Variants in ALMS1 observed in about 807,000 individuals in gnomAD.
ALMS1 encodes the protein ALMS1 centrosome and basal body associated protein, also known as centrosome-associated protein ALMS1.
Under a neutral mutation model 352.2 loss-of-function variants are expected in ALMS1, and 271 were observed. The observed-to-expected ratio is 0.77, with a 90% CI of 0.70 to 0.85. The LOEUF (loss-of-function observed/expected upper bound fraction) is 0.85. ALMS1 is among the 40% of genes least tolerant of loss of function. ALMS1 has a pLI of 0.00. For missense variants in ALMS1, 5,445 were observed against 4,870.7 expected, an observed-to-expected ratio of 1.12 and a Z score of -3.51; for synonymous variants, 1,865 against 1,761.2, an observed-to-expected ratio of 1.06 and a Z score of -1.48.
intron 12 of ALMS1, among the ~76,000 whole-genome samples, chr2:73,547,794 G>A (rs530306153): frequency 6.2e-4 from 94 of 152,306 alleles, no homozygotes; most frequent in African/African-American, 2.0e-3. Flanking sequence ...ATGGCGGGGC[G>A]GGTTAGAGTG....
At chr2:73,467,155 A>T (rs1329451192) in intron 9 of ALMS1, among the ~76,000 whole-genome samples, 1 of 152,154 alleles carries the variant, frequency 6.6e-6, no homozygotes, top group African/African-American at 2.4e-5. Context: ...CTCTTCATGA[A>T]AGTTAAGAAT....
At chr2:73,426,389 T>C in intron 5 of ALMS1, 64 bp from the exon 6 acceptor site, 2 of 1,530,428 alleles carry the variant, frequency 1.3e-6, no homozygotes, top group Non-Finnish European at 9.1e-7. Context: ...AAGTCCTTCG[T>C]GTGTGGGAGC....
chr2:73,555,599 T>C (rs1674525192), intron 13 of ALMS1, among the ~76,000 whole-genome samples: 1 of 152,128 alleles, frequency 6.6e-6, no homozygotes, highest in Non-Finnish European at 1.5e-5. Flanking sequence ...GAAAATATAA[T>C]AAATATGCCA....
chr2:73,416,337 T>C (rs1223687606), intron 2 of ALMS1, among the ~76,000 whole-genome samples: 1 of 152,222 alleles, frequency 6.6e-6, no homozygotes, highest in African/African-American at 2.4e-5. Flanking sequence ...TTATTCAGTG[T>C]AGAAGGGATT....
At chr2:73,527,561 C>T (rs1205877288) in intron 11 of ALMS1, among the ~76,000 whole-genome samples, 2 of 151,900 alleles carry the variant, frequency 1.3e-5, no homozygotes, top group Non-Finnish European at 2.9e-5. Context: ...TAAAGTTGCT[C>T]ATAGTAGTGT....
intron 16 of ALMS1, among the ~76,000 whole-genome samples, chr2:73,596,664 G>C (rs1207870969): frequency 6.6e-6 from 1 of 151,610 alleles, no homozygotes; most frequent in African/African-American, 2.4e-5. Flanking sequence ...TAGAGACCGG[G>C]TTTCACCATA....
At position 73,448,992 on chromosome 2, in the gene ALMS1, A is replaced by C. The variant is rs749834647; in HGVS notation, c.2465A>C (p.Gln822Pro). ...SHREKLLVFY[Q>P]QALLDSHLPE... ...AGAGAGAAGCTCCTTGTTTTCTACCAACAGGCCTTGCTGGACAGCCATCTA... is the reference window on the plus strand; with the variant it reads ...AGAGAGAAGCTCCTTGTTTTCTACCCACAGGCCTTGCTGGACAGCCATCTA... The change falls in exon 8 of 23, where the codon CAA (glutamine) becomes CCA (proline). Residue 822 changes from glutamine to proline, a missense_variant. Physicochemically the swap from Gln to Pro is moderately conservative, Grantham distance 76. Coordinates refer to ENST00000613296, the MANE Select transcript of ALMS1 (RefSeq NM_001378454.1). The C allele has an allele frequency of 6.2e-7, 1 of 1,613,936 alleles. No homozygotes were observed. Among genetic ancestry groups the C allele is most frequent in the Non-Finnish European group, 8.5e-7 (1 of 1,179,916 alleles).
chr2:73,520,822 A>T (rs1220093236), intron 11 of ALMS1, among the ~76,000 whole-genome samples: 1 of 152,216 alleles, frequency 6.6e-6, no homozygotes, highest in East Asian at 1.9e-4. Context: ...TTAGAATTAG[A>T]CCAAATTGTA....
At chr2:73,390,489 T>TA (rs1170578965) in intron 1 of ALMS1, among the ~76,000 whole-genome samples, 5 of 152,232 alleles carry the variant, frequency 3.3e-5, no homozygotes, top group Admixed American at 6.5e-5. Flanking sequence ...ATTAAGTTTG[T>TA]AGTCCTGTTA....
At chr2:73,494,589 CT>C (rs1481670558) in intron 10 of ALMS1, among the ~76,000 whole-genome samples, 3 of 151,926 alleles carry the variant, frequency 2.0e-5, no homozygotes, top group Non-Finnish European at 2.9e-5. Flanking sequence ...CTTTTTTTGT[CT>C]TTCATGACCT....
rs144419297 is a variant in ALMS1, at chr2:73,596,597, G to A, written c.11548-2804G>A. ...AGCGATTCTTCTGCTTCAGCCTTCC[G>A]AGTAGCTGGAACTACAGGTGCGTGC... On this transcript the variant is annotated intron_variant, in intron 16 of 22. Coordinates refer to ENST00000613296, the MANE Select transcript of ALMS1 (RefSeq NM_001378454.1). 4.0e-5 allele frequency among the ~76,000 whole-genome samples: 6 copies of A among 151,770 alleles called. No individual in the cohort carries two copies. The East Asian group carries it at 1.2e-3, about 29-fold the overall frequency.
Position 73,573,727 on chromosome 2 carries a change from A to G in ALMS1, c.11547+303A>G, listed in dbSNP as rs1251013007. 7.1e-6 allele frequency: 4 copies of G among 563,598 alleles called. No homozygotes were observed. In the East Asian group the frequency reaches 1.1e-4, roughly 16 times the overall value. The allele number at this position is 563,598 out of a possible 1,614,324, so 34.9% of individuals were successfully genotyped here. A position where few individuals can be genotyped will look rare whatever the true frequency, so the allele number is the denominator to read the frequency against. ...GGTTAGAATGATCTCTATCCTGAAC[A>G]ATATTGCTGGGTTTATGTTTATTTG... is the stretch of plus-strand genomic sequence containing the variant. On this transcript the variant is annotated intron_variant, in intron 16 of 22. Transcript: ENST00000613296.
intron 9 of ALMS1, among the ~76,000 whole-genome samples, chr2:73,480,025 G>A (rs1181186191): frequency 6.6e-6 from 1 of 151,758 alleles, no homozygotes; most frequent in Non-Finnish European, 1.5e-5. Context: ...CCTGTTAAGT[G>A]AAATGTCTGT....
chr2:73,455,312 G>T lies in ALMS1; in HGVS notation c.7674+17G>T. 1 of 1,613,500 alleles carries T rather than the reference G, an allele frequency of 6.2e-7. No individual in the cohort carries two copies. The highest frequency in any genetic ancestry group is 8.5e-7 in the Non-Finnish European group (1 of 1,179,718). ...TTGTCCAAGGTATAAAAGAAATCTGGAAATGAAGAAAGTAAATATGAAAGA... is the reference window on the plus strand; with the variant it reads ...TTGTCCAAGGTATAAAAGAAATCTGTAAATGAAGAAAGTAAATATGAAAGA... On this transcript the variant is annotated intron_variant, in intron 9 of 22. Transcript: ENST00000613296.
intron 3 of ALMS1, 34 bp downstream of exon 3, chr2:73,419,352 C>T (rs1469017303): frequency 2.5e-6 from 4 of 1,596,642 alleles, no homozygotes; most frequent in Admixed American, 1.7e-5. Context: ...GTAGTAATAC[C>T]TCACATTTGT....
chr2:73,558,757 C>T (rs775589378), intron 14 of ALMS1, among the ~76,000 whole-genome samples: 23 of 151,930 alleles, frequency 1.5e-4, no homozygotes, highest in Non-Finnish European at 3.1e-4. Flanking sequence ...CTTTGAATAC[C>T]GCTACCTCTT....
At chr2:73,411,221 T>C (rs1198399990) in intron 2 of ALMS1, among the ~76,000 whole-genome samples, 5 of 151,674 alleles carry the variant, frequency 3.3e-5, no homozygotes, top group African/African-American at 9.7e-5. Context: ...AAGGAGAAGA[T>C]GGCCGTGTGA....
rs139975539 is a variant in ALMS1 at position 73,513,525 on chromosome 2, C to T, written c.9540-6250C>T. Reference sequence around the variant, plus strand: ...TTCAAGGTCAGACTGACTCCTGTCACCCTGCTTGAGTAGTGACTCACCACA... The same window carrying T: ...TTCAAGGTCAGACTGACTCCTGTCATCCTGCTTGAGTAGTGACTCACCACA... On this transcript the variant is annotated intron_variant, in intron 10 of 22. Coordinates refer to ENST00000613296, the MANE Select transcript of ALMS1 (RefSeq NM_001378454.1). Among the ~76,000 whole-genome samples the T allele has an allele frequency of 7.8e-4, 119 of 152,310 alleles. 1 individual carries two copies. The highest frequency in any genetic ancestry group is 8.4e-4 in the Non-Finnish European group (57 of 68,024).
chr2:73,489,891 T>C lies in ALMS1; in HGVS notation c.7932T>C (p.Asn2644=). ...DQNNSHFKVW[N]SLQLKSHSPF... ...ACAACTCCCATTTCAAAGTTTGGAA[T>C]TCCTTGCAGTTAAAAAGTCATTCCC... The change falls in exon 10 of 23, where the codon AAT becomes AAC. Residue 2644 remains asparagine, a synonymous_variant. Coordinates refer to ENST00000613296, the MANE Select transcript of ALMS1 (RefSeq NM_001378454.1). 2 of 1,614,176 alleles carry C rather than the reference T, an allele frequency of 1.2e-6. No individual in the cohort carries two copies. The highest frequency in any genetic ancestry group is 1.1e-5 in the South Asian group (1 of 91,078).
Sources: gnomAD v4.1 joint callset for allele counts (sites outside exome capture counted in the v4.1 genomes callset) on GRCh38, gnomAD v4.1.1 for gene constraint, MANE v1.5 for transcripts, NCBI Gene and HGNC (gene_info 2026-07-23, HGNC 2026-07-21) for gene names.